Variants in ALMS1 observed in about 807,000 individuals in gnomAD.
ALMS1 encodes the protein ALMS1 centrosome and basal body associated protein.
ALMS1 carries 271 observed loss-of-function variants against 352.2 expected under a neutral mutation model. The ratio of observed to expected loss-of-function variants is 0.77; its 90% CI spans 0.70 to 0.85. The LOEUF (loss-of-function observed/expected upper bound fraction) is 0.85. Among genes scored for constraint, ALMS1 ranks in the 40% least tolerant of loss-of-function variants. The pLI is 0.00. For synonymous variants in ALMS1, 1,865 were observed against 1,761.2 expected (o/e 1.06, Z -1.48); for missense variants, 5,445 against 4,870.7 (o/e 1.12, Z -3.51).
chr2:73,403,981 C>T lies in ALMS1; in HGVS notation c.325-4641C>T, dbSNP rs867823955. Among the ~76,000 whole-genome samples, 7 of 152,254 alleles carry T rather than the reference C, an allele frequency of 4.6e-5. No individual in the cohort carries two copies. In the East Asian group the frequency reaches 1.4e-3, roughly 29 times the overall value. On this transcript the variant is annotated intron_variant, in intron 1 of 22. Coordinates refer to ENST00000613296, the MANE Select transcript of ALMS1 (RefSeq NM_001378454.1). Reference sequence around the variant, plus strand: ...GTGGCTCGATCCCTGCTCACTGCAACCTCCACCTCCTGGGTTCAAGTGATT... The same window carrying T: ...GTGGCTCGATCCCTGCTCACTGCAATCTCCACCTCCTGGGTTCAAGTGATT...
At position 73,572,715 on chromosome 2, in the gene ALMS1, G is replaced by C. The variant is rs1207115092; in HGVS notation, c.10838G>C (p.Arg3613Thr). The change falls in exon 16 of 23, where the codon AGA (arginine) becomes ACA (threonine). Residue 3613 changes from arginine (R) to threonine (T), a missense_variant. Physicochemically the swap from Arg to Thr is moderately conservative, Grantham distance 71 (BLOSUM62 -1). Coordinates refer to ENST00000613296, the MANE Select transcript of ALMS1 (RefSeq NM_001378454.1). ...TATCGGGAGCGACAGAGGCAACAGA[G>C]ACAGCCTGAGTTGGGTGACAGGAAA... is the stretch of plus-strand genomic sequence containing the variant. ...NKYRERQRQQ[R>T]QPELGDRKEL... The C allele has an allele frequency of 1.2e-6, 2 of 1,613,956 alleles. No individual in the cohort carries two copies. The highest frequency in any genetic ancestry group is 1.7e-6 in the Non-Finnish European group (2 of 1,180,018).
intron 2 of ALMS1, among the ~76,000 whole-genome samples, chr2:73,412,977 G>GT (rs1014904488): frequency 6.6e-5 from 10 of 151,302 alleles, no homozygotes; most frequent in African/African-American, 2.4e-4. Flanking sequence ...GGTATCATCA[G>GT]TTTTTTCTTT....
intron 3 of ALMS1, among the ~76,000 whole-genome samples, chr2:73,422,366 A>AATTT (rs1466548883): frequency 6.6e-6 from 1 of 152,082 alleles, no homozygotes; most frequent in Admixed American, 6.5e-5. Flanking sequence ...TTTTGAATAA[A>AATTT]ATTTTGACAT....
At chr2:73,578,711 C>T (rs1257085748) in intron 16 of ALMS1, among the ~76,000 whole-genome samples, 3 of 152,136 alleles carry the variant, frequency 2.0e-5, no homozygotes, top group African/African-American at 7.2e-5. Flanking sequence ...CCATCCCTTC[C>T]TCTTTAATTG....
At chr2:73,598,403 C>A (rs964381959) in intron 16 of ALMS1, among the ~76,000 whole-genome samples, 1 of 152,162 alleles carries the variant, frequency 6.6e-6, no homozygotes, top group African/African-American at 2.4e-5. Flanking sequence ...CTAAATTTTA[C>A]ATGTCATCAG....
Position 73,453,318 on chromosome 2 carries a change from C to T in ALMS1, c.6791C>T (p.Thr2264Ile), listed in dbSNP as rs1311314570. 2 of 1,613,884 alleles carry T rather than the reference C, an allele frequency of 1.2e-6. No homozygotes were observed. Among genetic ancestry groups the T allele is most frequent in the African/African-American group, 1.3e-5 (1 of 75,008 alleles). The part of the protein sequence containing the change: ...NSAKTLKEIR[T>I]LLMEAENMAL... ...GCTAAAACTCTTAAGGAAATTCGGA[C>T]ACTTTTGATGGAGGCAGAAAATATG... Residue 2264 changes from threonine (T) to isoleucine (I), a missense_variant, in exon 8 of 23, where the codon ACA (threonine) becomes ATA (isoleucine). Transcript: ENST00000613296.
At chr2:73,396,708 G>C (rs534491676) in intron 1 of ALMS1, among the ~76,000 whole-genome samples, 1 of 149,504 alleles carries the variant, frequency 6.7e-6, no homozygotes, top group Non-Finnish European at 1.5e-5. Context: ...GCAGTGGCGC[G>C]ATCTCAGCTC....
chr2:73,557,290 T>G lies in ALMS1; in HGVS notation c.10149T>G (p.Ser3383Arg). 6.2e-7 allele frequency: 1 copy of G among 1,614,138 alleles called. No individual in the cohort carries two copies. ...LSDKKQQEIH[S>R]TRAVTEAAQA... ...ACAAAAAACAGCAAGAGATTCACAG[T>G]ACAAGGGCAGTGACTGAGGCTGCCC... is the stretch of plus-strand genomic sequence containing the variant. The change falls in exon 14 of 23, where the codon AGT becomes AGG. Residue 3383 changes from serine (S) to arginine (R), a missense_variant. Ser to Arg is a moderately radical substitution (Grantham distance 110, BLOSUM62 -1). Coordinates refer to ENST00000613296, the MANE Select transcript of ALMS1 (RefSeq NM_001378454.1).
chr2:73,396,339 C>CAT (rs70965732), intron 1 of ALMS1, among the ~76,000 whole-genome samples: 1 of 151,578 alleles, frequency 6.6e-6, no homozygotes, highest in Non-Finnish European at 1.5e-5. Context: ...CACACACACA[C>CAT]GCTTGTATTT....
intron 5 of ALMS1, 73 bp downstream of exon 5, chr2:73,424,975 A>G (rs929609653): frequency 3.1e-6 from 4 of 1,292,774 alleles, no homozygotes; most frequent in Non-Finnish European, 4.3e-6. Context: ...GGAAGTAACA[A>G]TTTTAGTGTC....
At chr2:73,443,456 G>A (rs1671754885) in intron 7 of ALMS1, among the ~76,000 whole-genome samples, 1 of 152,084 alleles carries the variant, frequency 6.6e-6, no homozygotes, top group African/African-American at 2.4e-5. Flanking sequence ...TCAGGAAAAT[G>A]TTTCTGTTTT....
chr2:73,558,481 T>C (rs975673947), intron 14 of ALMS1, among the ~76,000 whole-genome samples: 3 of 152,256 alleles, frequency 2.0e-5, no homozygotes, highest in African/African-American at 4.8e-5. Flanking sequence ...TAAACTCTTT[T>C]AGCACTGTCT....
At chr2:73,507,095 A>G (rs1316702265) in intron 10 of ALMS1, among the ~76,000 whole-genome samples, 1 of 151,902 alleles carries the variant, frequency 6.6e-6, no homozygotes, top group Non-Finnish European at 1.5e-5. Flanking sequence ...TGATTTGTGT[A>G]TGTTGAACCA....
At chr2:73,489,560 A>G (rs1352907062) in intron 9 of ALMS1, 74 bp from the exon 10 acceptor site, 9 of 1,560,500 alleles carry the variant, frequency 5.8e-6, no homozygotes, top group Non-Finnish European at 7.9e-6. Context: ...TATAAAACTG[A>G]TTTGTATAAA....
rs747868844 is a variant in ALMS1 at position 73,424,906 on chromosome 2, A to T, written c.1237+4A>T. ...CAGGCAGAAACATATTTAACCAGTA[A>T]GTACCCTGATTCTTTTTCAGATTCA... On this transcript the variant is annotated splice_donor_region_variant and intron_variant, in intron 5 of 22. Transcript: ENST00000613296. 6.3e-7 allele frequency: 1 copy of T among 1,589,220 alleles called. No homozygotes were observed. Among genetic ancestry groups the T allele is most frequent in the African/African-American group, 1.4e-5 (1 of 73,794 alleles).
chr2:73,405,375 G>T (rs1670952267), intron 1 of ALMS1, among the ~76,000 whole-genome samples: 1 of 151,686 alleles, frequency 6.6e-6, no homozygotes, highest in Non-Finnish European at 1.5e-5. Flanking sequence ...TTGGAGTACA[G>T]TTGTTCATAG....
chr2:73,392,260 A>ATG lies in ALMS1; in HGVS notation c.324+6104_324+6105dup, dbSNP rs60487895. Among the ~76,000 whole-genome samples the ATG allele has an allele frequency of 2.5e-3, 365 of 146,456 alleles. 1 individual carries two copies. The highest frequency in any genetic ancestry group is 4.5e-3 in the African/African-American group (179 of 39,444). On this transcript the variant is annotated intron_variant, in intron 1 of 22. Transcript: ENST00000613296. ...TTACTATTTCCTTAGGTTTACTTTG[A>ATG]TGTGTGTGTGTGTGTGTGTGTGTGT...
At chr2:73,407,494 T>TA (rs113915588) in intron 1 of ALMS1, among the ~76,000 whole-genome samples, 39,198 of 152,112 alleles carry the variant, frequency 0.26, 5,569 homozygotes, top group African/African-American at 0.38. Context: ...AAGGTGGAGT[T>TA]ACTCACCAGA....
In ALMS1 at chr2:73,582,285, C is replaced by CT. The variant is rs879503389; in HGVS notation, c.11547+8868dup. On this transcript the variant is annotated intron_variant, in intron 16 of 22. Transcript: ENST00000613296. ...TTTGGTTTAAATTTTATTATTTTGG[C>CT]TTTTTTTCATTCTGATGTATTTATT... Among the ~76,000 whole-genome samples, 5 of 152,042 alleles carry CT rather than the reference C, an allele frequency of 3.3e-5. No individual in the cohort carries two copies. The East Asian group carries it at 5.8e-4, about 18-fold the overall frequency.
Sources: allele counts gnomAD v4.1 joint callset (sites outside exome capture counted in the v4.1 genomes callset), GRCh38; gene constraint gnomAD v4.1.1; transcripts MANE v1.5; gene names NCBI Gene and HGNC (gene_info 2026-07-23, HGNC 2026-07-21).